The following ITGBL1 variants were observed in gnomAD, a reference collection of about 807,000 sequenced individuals.
The protein encoded by ITGBL1 is integrin beta-like protein 1.
In ITGBL1, 51 loss-of-function variants were observed where a neutral mutation model predicts 68.5. The ratio of observed to expected loss-of-function variants is 0.74; its 90% CI spans 0.59 to 0.94. The LOEUF (loss-of-function observed/expected upper bound fraction) is 0.94. Ranked by LOEUF, ITGBL1 falls within the 40% of genes least tolerant of loss-of-function variation. The pLI is 0.00. For synonymous variants in ITGBL1, 209 were observed against 227.3 expected, an observed-to-expected ratio of 0.92 and a Z score of 0.72; for missense variants, 649 against 647.4, an observed-to-expected ratio of 1.00 and a Z score of -0.03.
chr13:101,466,989 AC>A (rs1449733431), intron 2 of ITGBL1, among the ~76,000 whole-genome samples: 7 of 152,176 alleles, frequency 4.6e-5, no homozygotes, highest in African/African-American at 1.7e-4. Flanking sequence ...CAAGGTGCCA[AC>A]AGATTCAGTG....
intron 2 of ITGBL1, among the ~76,000 whole-genome samples, chr13:101,500,743 T>G (rs1484890231): frequency 1.3e-5 from 2 of 152,192 alleles, no homozygotes; most frequent in Admixed American, 6.5e-5. Flanking sequence ...TTACAGCCTT[T>G]AAGCAGACTG....
intron 2 of ITGBL1, among the ~76,000 whole-genome samples, chr13:101,498,015 G>A (rs1398983237): frequency 6.6e-6 from 1 of 152,048 alleles, no homozygotes; most frequent in African/African-American, 2.4e-5. Flanking sequence ...AGTAGTGTCT[G>A]GTTCTGTGTT....
intron 7 of ITGBL1, among the ~76,000 whole-genome samples, chr13:101,643,197 C>A (rs2139434966): frequency 6.6e-6 from 1 of 151,542 alleles, no homozygotes; most frequent in Admixed American, 6.6e-5. Context: ...TACCCATGAG[C>A]ATGGAATGTT....
At chr13:101,484,084 A>C (rs968195758) in intron 2 of ITGBL1, among the ~76,000 whole-genome samples, 1 of 151,412 alleles carries the variant, frequency 6.6e-6, no homozygotes, top group African/African-American at 2.4e-5. Flanking sequence ...CTTTTTGTCT[A>C]ACTAGTTATA....
At chr13:101,708,780 C>T (rs1011518863) in intron 9 of ITGBL1, among the ~76,000 whole-genome samples, 4 of 152,154 alleles carry the variant, frequency 2.6e-5, no homozygotes, top group Non-Finnish European at 5.9e-5. Flanking sequence ...GTTCTGTGTT[C>T]AACACTTGTA....
At chr13:101,684,000 C>T (rs957451837) in intron 7 of ITGBL1, among the ~76,000 whole-genome samples, 2 of 151,944 alleles carry the variant, frequency 1.3e-5, no homozygotes, top group African/African-American at 2.4e-5. Flanking sequence ...GATATCATCT[C>T]TCATTCTGTG....
At chr13:101,693,478 A>T (rs895607221) in intron 8 of ITGBL1, among the ~76,000 whole-genome samples, 1 of 152,130 alleles carries the variant, frequency 6.6e-6, no homozygotes, top group African/African-American at 2.4e-5. Flanking sequence ...AAGTTCAGGG[A>T]TGCATAGGTA....
intron 4 of ITGBL1, among the ~76,000 whole-genome samples, chr13:101,578,941 G>A (rs915250883): frequency 3.9e-5 from 6 of 152,168 alleles, no homozygotes; most frequent in South Asian, 2.1e-4. Context: ...TTCAAGAAAC[G>A]TCCTTAGAGT....
intron 7 of ITGBL1, among the ~76,000 whole-genome samples, chr13:101,690,918 T>A (rs1010640016): frequency 6.6e-6 from 1 of 152,144 alleles, no homozygotes; most frequent in African/African-American, 2.4e-5. Context: ...AAAAAATATT[T>A]TATTAGAAGG....
chr13:101,522,228 G>A (rs1254871595), intron 2 of ITGBL1, among the ~76,000 whole-genome samples: 1 of 152,052 alleles, frequency 6.6e-6, no homozygotes, highest in Non-Finnish European at 1.5e-5. Context: ...CGAATGTTGG[G>A]GGGACACAAT....
chr13:101,529,593 T>A (rs1020198344), intron 2 of ITGBL1, among the ~76,000 whole-genome samples: 2 of 152,200 alleles, frequency 1.3e-5, no homozygotes, highest in East Asian at 3.8e-4. Context: ...TTTGGCTCTG[T>A]GTCACCACCT....
At chr13:101,658,781 C>T (rs997753090) in intron 7 of ITGBL1, among the ~76,000 whole-genome samples, 1 of 152,158 alleles carries the variant, frequency 6.6e-6, no homozygotes, top group Non-Finnish European at 1.5e-5. Context: ...GGTGCTAAAT[C>T]ATTCACAGTC....
intron 2 of ITGBL1, among the ~76,000 whole-genome samples, chr13:101,516,201 T>C (rs2049192633): frequency 6.6e-6 from 1 of 152,196 alleles, no homozygotes; most frequent in South Asian, 2.1e-4. Context: ...TGTTTTGATA[T>C]GTGTTTTTAA....
In ITGBL1 at chr13:101,689,605, T is replaced by TA. The variant is rs999257791; in HGVS notation, c.1016-2971dup. On this transcript the variant is annotated intron_variant, in intron 7 of 10. Transcript: ENST00000376180. Reference sequence around the variant, plus strand: ...GAGTGACAGAGCAAGACTCTGTCTCTAAAAAAAAACCCAAAAAAATATGGA... The same window carrying TA: ...GAGTGACAGAGCAAGACTCTGTCTCTAAAAAAAAAACCCAAAAAAATATGGA... Among the ~76,000 whole-genome samples, 31 of 150,880 alleles carry TA rather than the reference T, an allele frequency of 2.1e-4. 1 individual carries two copies. Among genetic ancestry groups the TA allele is most frequent in the South Asian group, 2.1e-4 (1 of 4,784 alleles).
chr13:101,588,961 A>G (rs1372533174), intron 6 of ITGBL1, among the ~76,000 whole-genome samples: 8 of 152,202 alleles, frequency 5.3e-5, no homozygotes, highest in Non-Finnish European at 1.5e-5. Flanking sequence ...TCTGGTACCA[A>G]CACCTGATAT....
chr13:101,664,725 A>G (rs1305853105), intron 7 of ITGBL1, among the ~76,000 whole-genome samples: 1 of 151,950 alleles, frequency 6.6e-6, no homozygotes. Flanking sequence ...CTAGCAATCC[A>G]TTCTTGTTTG....
chr13:101,488,658 T>C (rs1215121687), intron 2 of ITGBL1, among the ~76,000 whole-genome samples: 2 of 152,232 alleles, frequency 1.3e-5, no homozygotes. Context: ...CTAAGTACCC[T>C]ATGTCTTATT....
At chr13:101,528,136 A>T (rs2049411071) in intron 2 of ITGBL1, among the ~76,000 whole-genome samples, 1 of 151,458 alleles carries the variant, frequency 6.6e-6, no homozygotes, top group South Asian at 2.1e-4. Context: ...TTGTTTTTAT[A>T]TAAAAATATA....
intron 6 of ITGBL1, among the ~76,000 whole-genome samples, chr13:101,585,961 T>TA (rs2139296208): frequency 6.6e-6 from 1 of 152,208 alleles, no homozygotes; most frequent in East Asian, 1.9e-4. Flanking sequence ...ATTATAGCGA[T>TA]AATTCAGGGT....
Sources: gnomAD v4.1 joint callset for allele counts (sites outside exome capture counted in the v4.1 genomes callset) on GRCh38, gnomAD v4.1.1 for gene constraint, MANE v1.5 for transcripts, NCBI Gene and HGNC (gene_info 2026-07-23, HGNC 2026-07-21) for gene names.